STT3B: variants seen among roughly 807,000 people sequenced by gnomAD.
STT3B encodes the protein dolichyl-diphosphooligosaccharide--protein glycosyltransferase subunit STT3B.
In STT3B, 29 loss-of-function variants were observed where a neutral mutation model predicts 96.8. The observed-to-expected ratio is 0.30, with a 90% confidence interval of 0.22 to 0.41. The LOEUF (loss-of-function observed/expected upper bound fraction) is 0.41, where lower values mean the gene tolerates loss of function less well. STT3B is among the 10% of genes least tolerant of loss of function. The probability of loss-of-function intolerance (pLI) is 1.00; values close to 1 mark genes in which losing one functional copy is unlikely to be tolerated. For synonymous variants in STT3B, 367 were observed against 360.0 expected (o/e 1.02, Z -0.22); for missense variants, 640 against 1,022.3 (o/e 0.63, Z 5.10).
chr3:31,572,437 C>T (rs1698181281), intron 1 of STT3B, among the ~76,000 whole-genome samples: 1 of 151,908 alleles, frequency 6.6e-6, no homozygotes, highest in Non-Finnish European at 1.5e-5. Context: ...GAAGTAGATT[C>T]ATGACATGGT....
In STT3B at chr3:31,596,789, GT is replaced by G; in HGVS notation, c.712-3del. On this transcript the variant is annotated splice_region_variant and splice_polypyrimidine_tract_variant and intron_variant, in intron 3 of 15. Coordinates refer to ENST00000295770, the MANE Select transcript of STT3B (RefSeq NM_178862.3). Reference sequence around the variant, plus strand: ...CATTTTTATTATATCAGTTGCTTTTGTTTTTTAGGTAAAATCTGTAAAAACT... The same window carrying G: ...CATTTTTATTATATCAGTTGCTTTTGTTTTTAGGTAAAATCTGTAAAAACT... The G allele has an allele frequency of 6.2e-7, 1 of 1,602,334 alleles. No homozygotes were observed. The highest frequency in any genetic ancestry group is 8.5e-7 in the Non-Finnish European group (1 of 1,172,490).
At chr3:31,564,343 G>C (rs1480407438) in intron 1 of STT3B, among the ~76,000 whole-genome samples, 1 of 152,170 alleles carries the variant, frequency 6.6e-6, no homozygotes, top group East Asian at 1.9e-4. Context: ...CACCGTCCTT[G>C]GTGCTAGGAG....
At chr3:31,581,248 A>T (rs115034872) in intron 3 of STT3B, among the ~76,000 whole-genome samples, 1 of 152,216 alleles carries the variant, frequency 6.6e-6, no homozygotes, top group African/African-American at 2.4e-5. Flanking sequence ...GGTGGGTGAT[A>T]CTGAGGTGGG....
At chr3:31,603,053 G>A (rs946422632) in intron 5 of STT3B, among the ~76,000 whole-genome samples, 9 of 151,964 alleles carry the variant, frequency 5.9e-5, no homozygotes, top group Non-Finnish European at 1.2e-4. Flanking sequence ...ATTTTGGCAC[G>A]TAACATCCTT....
intron 15 of STT3B, among the ~76,000 whole-genome samples, chr3:31,633,816 G>A (rs756442412): frequency 2.6e-5 from 4 of 152,062 alleles, no homozygotes; most frequent in Non-Finnish European, 5.9e-5. Context: ...GAAATGGGAA[G>A]TAATGAACAG....
At chr3:31,541,412 C>G (rs1697260139) in intron 1 of STT3B, among the ~76,000 whole-genome samples, 1 of 147,242 alleles carries the variant, frequency 6.8e-6, no homozygotes, top group South Asian at 2.2e-4. Context: ...TTAGTTTTGC[C>G]TATTTTTAAA....
chr3:31,577,666 T>C (rs1698291862), intron 2 of STT3B, among the ~76,000 whole-genome samples: 1 of 152,116 alleles, frequency 6.6e-6, no homozygotes, highest in Non-Finnish European at 1.5e-5. Context: ...AGGTGTTGTG[T>C]TTCTAGTCTG....
At chr3:31,566,615 C>G (rs2125446952) in intron 1 of STT3B, among the ~76,000 whole-genome samples, 1 of 152,276 alleles carries the variant, frequency 6.6e-6, no homozygotes, top group South Asian at 2.1e-4. Flanking sequence ...TAGGACAGCT[C>G]TTTAACTCTT....
chr3:31,533,552 G>C, intron 1 of STT3B: 1 of 385,170 alleles, frequency 2.6e-6, no homozygotes, highest in Non-Finnish European at 4.2e-6. Flanking sequence ...ATTCTCGGCC[G>C]GGCTAGTGTG....
At position 31,635,964 on chromosome 3, in the gene STT3B, T is replaced by C. The variant is rs947906041; in HGVS notation, c.2401-20T>C. 3 of 1,574,082 alleles carry C rather than the reference T, an allele frequency of 1.9e-6. No individual in the cohort carries two copies. Among genetic ancestry groups the C allele is most frequent in the East Asian group, 2.2e-5 (1 of 44,536 alleles). On this transcript the variant is annotated intron_variant, in intron 15 of 15. Coordinates refer to ENST00000295770, the MANE Select transcript of STT3B (RefSeq NM_178862.3). The stretch of plus-strand genomic sequence containing the variant: ...CAGTAAGAAACCTGCATTAATACTA[T>C]GTGTTTTGTTTTTTTATAGACTACC...
chr3:31,541,808 C>T (rs901313868), intron 1 of STT3B, among the ~76,000 whole-genome samples: 5 of 152,062 alleles, frequency 3.3e-5, no homozygotes, highest in African/African-American at 1.2e-4. Flanking sequence ...GAACTCCTGA[C>T]CTCGTGATGC....
rs552453242 is a variant in STT3B, at chr3:31,598,684, TAAGTG to T, written c.778-1672_778-1668del. 2.6e-3 allele frequency among the ~76,000 whole-genome samples: 394 copies of T among 152,324 alleles called. 1 individual carries two copies. Among genetic ancestry groups the T allele is most frequent in the African/African-American group, 8.9e-3 (371 of 41,582 alleles). ...ACTGGTTTCAGCTTTTCTTTGTTCTTAAGTGAAGAGAGTAGATAAGGTAGCATATT... is the reference window on the plus strand; with the variant it reads ...ACTGGTTTCAGCTTTTCTTTGTTCTTAAGAGAGTAGATAAGGTAGCATATT... On this transcript the variant is annotated intron_variant, in intron 4 of 15. Transcript: ENST00000295770.
At chr3:31,595,858 C>G (rs1288246366) in intron 3 of STT3B, among the ~76,000 whole-genome samples, 5 of 152,146 alleles carry the variant, frequency 3.3e-5, no homozygotes, top group Non-Finnish European at 5.9e-5. Flanking sequence ...AAGTTCTGCC[C>G]AAAACCACCA....
chr3:31,554,294 G>A (rs1046170132), intron 1 of STT3B, among the ~76,000 whole-genome samples: 1 of 152,052 alleles, frequency 6.6e-6, no homozygotes, highest in African/African-American at 2.4e-5. Context: ...TTGAGCCAAT[G>A]GAAAAAATGA....
At chr3:31,605,022 G>GA (rs761162711) in intron 5 of STT3B, among the ~76,000 whole-genome samples, 17 of 152,276 alleles carry the variant, frequency 1.1e-4, no homozygotes, top group Non-Finnish European at 2.1e-4. Flanking sequence ...GTTAATATAT[G>GA]AAAGGTGCTT....
intron 1 of STT3B, among the ~76,000 whole-genome samples, chr3:31,545,814 GT>G (rs11350127): frequency 0.33 from 45,087 of 137,936 alleles, 7,185 homozygotes; most frequent in East Asian, 0.61. Flanking sequence ...ATTAGGAGTG[GT>G]TTTTTTTTTT....
chr3:31,546,290 G>T (rs961369257), intron 1 of STT3B, among the ~76,000 whole-genome samples: 6 of 146,814 alleles, frequency 4.1e-5, no homozygotes, highest in African/African-American at 1.5e-4. Flanking sequence ...GTGCTGAGAT[G>T]ATTGTAGTCA....
At chr3:31,571,450 T>G (rs956336600) in intron 1 of STT3B, among the ~76,000 whole-genome samples, 1 of 152,140 alleles carries the variant, frequency 6.6e-6, no homozygotes, top group African/African-American at 2.4e-5. Flanking sequence ...TCACAACCCT[T>G]GCACAATTCT....
intron 3 of STT3B, among the ~76,000 whole-genome samples, chr3:31,586,229 A>G (rs1423233848): frequency 6.6e-6 from 1 of 152,058 alleles, no homozygotes; most frequent in Admixed American, 6.6e-5. Context: ...TTTATTTGCC[A>G]TCCCAGTTCT....
Sources: gnomAD v4.1 joint callset for allele counts (sites outside exome capture counted in the v4.1 genomes callset) on GRCh38, gnomAD v4.1.1 for gene constraint, MANE v1.5 for transcripts, NCBI Gene and HGNC (gene_info 2026-07-23, HGNC 2026-07-21) for gene names.